UBR3: variants seen among roughly 807,000 people sequenced by gnomAD.
UBR3 encodes ubiquitin protein ligase E3 component n-recognin 3, also known as E3 ubiquitin-protein ligase UBR3.
UBR3 carries 85 observed loss-of-function variants against 243.2 expected under a neutral mutation model. The observed-to-expected ratio is 0.35, with a 90% CI of 0.29 to 0.42. The LOEUF (loss-of-function observed/expected upper bound fraction) is 0.42, where lower values mean the gene tolerates loss of function less well. Among genes scored for constraint, UBR3 ranks in the 10% least tolerant of loss-of-function variants. UBR3 has a pLI of 1.00. For synonymous variants in UBR3, 748 were observed against 799.8 expected, an observed-to-expected ratio of 0.94 and a Z score of 1.09; for missense variants, 1,686 against 2,300.8, an observed-to-expected ratio of 0.73 and a Z score of 5.47.
intron 19 of UBR3, among the ~76,000 whole-genome samples, chr2:169,935,045 A>G (rs1474188790): frequency 6.6e-6 from 1 of 152,216 alleles, no homozygotes; most frequent in Non-Finnish European, 1.5e-5. Context: ...AAAAGAAAAC[A>G]AAAACAATAC....
chr2:169,917,811 T>C (rs1051072735), intron 11 of UBR3, among the ~76,000 whole-genome samples: 2 of 152,188 alleles, frequency 1.3e-5, no homozygotes, highest in Admixed American at 1.3e-4. Context: ...CAAGCGATTC[T>C]CCTGCCTCAG....
At chr2:170,045,227 A>G (rs2091055176) in intron 32 of UBR3, among the ~76,000 whole-genome samples, 1 of 152,112 alleles carries the variant, frequency 6.6e-6, no homozygotes, top group South Asian at 2.1e-4. Context: ...CCTGCATGAA[A>G]CCATTAGATC....
intron 24 of UBR3, among the ~76,000 whole-genome samples, chr2:169,968,067 T>G (rs535147958): frequency 6.6e-6 from 1 of 152,148 alleles, no homozygotes; most frequent in African/African-American, 2.4e-5. Flanking sequence ...TTAAAAAAAT[T>G]TAATATTTAC....
chr2:169,968,093 A>G (rs140948399), intron 24 of UBR3, among the ~76,000 whole-genome samples: 1,773 of 152,248 alleles, frequency 0.012, 49 homozygotes, highest in African/African-American at 0.039. Context: ...TTTATACATA[A>G]TAACTACATA....
At chr2:169,830,652 CT>C (rs11314592) in intron 1 of UBR3, among the ~76,000 whole-genome samples, 72,011 of 148,852 alleles carry the variant, frequency 0.48, 17,874 homozygotes, top group Non-Finnish European at 0.57. Flanking sequence ...TATGTTTTAT[CT>C]TTTTTTTTTT....
intron 30 of UBR3, among the ~76,000 whole-genome samples, chr2:170,024,353 CAAAAAAAAAAAAAA>C (rs10606818): frequency 2.9e-5 from 3 of 101,956 alleles, no homozygotes; most frequent in Non-Finnish European, 5.6e-5. Flanking sequence ...GACTCCATCT[CAAAAAAAAAAAAAA>C]AAAAAAAAGA....
chr2:170,063,478 A>G (rs1374315348), intron 35 of UBR3, among the ~76,000 whole-genome samples: 2 of 152,122 alleles, frequency 1.3e-5, no homozygotes, highest in African/African-American at 4.8e-5. Context: ...TTGTTTGTGT[A>G]TACAGTAGTA....
Position 169,885,947 on chromosome 2 carries a change from A to C in UBR3, c.1039-5218A>C, listed in dbSNP as rs533641619. On this transcript the variant is annotated intron_variant, in intron 5 of 38. Coordinates refer to ENST00000272793, the MANE Select transcript of UBR3 (RefSeq NM_172070.4). Reference sequence around the variant, plus strand: ...GGCCGAGGTGGGCGATCCCTAGGTCAGGAGATCGAGATCAGCCTGGCCAAT... The same window carrying C: ...GGCCGAGGTGGGCGATCCCTAGGTCCGGAGATCGAGATCAGCCTGGCCAAT... 9.2e-4 allele frequency among the ~76,000 whole-genome samples: 140 copies of C among 152,256 alleles called. 1 individual carries two copies. The South Asian group carries it at 0.016, about 17-fold the overall frequency.
chr2:169,930,665 G>A (rs769626203), intron 18 of UBR3, among the ~76,000 whole-genome samples: 43 of 152,180 alleles, frequency 2.8e-4, no homozygotes, highest in Non-Finnish European at 4.7e-4. Flanking sequence ...GATTGCAGGT[G>A]TGAACCGCCA....
At position 170,029,342 on chromosome 2, in the gene UBR3, T is replaced by A; in HGVS notation, c.4454-4T>A. On this transcript the variant is annotated splice_region_variant and splice_polypyrimidine_tract_variant and intron_variant, in intron 30 of 38. Transcript: ENST00000272793. Reference sequence around the variant, plus strand: ...TCTAATTACCTTTTCTTCAATTTTTTCAGATCAGCTGTTTCATGTATTAGC... The same window carrying A: ...TCTAATTACCTTTTCTTCAATTTTTACAGATCAGCTGTTTCATGTATTAGC... 1 of 1,592,216 alleles carries A rather than the reference T, an allele frequency of 6.3e-7. No homozygotes were observed. Among genetic ancestry groups the A allele is most frequent in the South Asian group, 1.2e-5 (1 of 86,242 alleles).
intron 11 of UBR3, among the ~76,000 whole-genome samples, chr2:169,916,673 A>C (rs770572011): frequency 3.9e-5 from 6 of 151,962 alleles, no homozygotes; most frequent in Non-Finnish European, 5.9e-5. Flanking sequence ...TTGATTCCCT[A>C]TTCCAGGCTG....
chr2:169,981,263 G>GA lies in UBR3; in HGVS notation c.3635-5378dup, dbSNP rs535904116. Among the ~76,000 whole-genome samples the GA allele has an allele frequency of 1.6e-4, 24 of 152,164 alleles. No homozygotes were observed. In the South Asian group the frequency reaches 2.7e-3, roughly 17 times the overall value. ...AATGGCTTCTTGGTGTGGAAAGGGG[G>GA]AAAAGAGTTATTTTACAGTAGAGAA... On this transcript the variant is annotated intron_variant, in intron 24 of 38. Transcript: ENST00000272793.
At chr2:169,856,124 C>T (rs547649971) in intron 1 of UBR3, among the ~76,000 whole-genome samples, 2 of 147,190 alleles carry the variant, frequency 1.4e-5, no homozygotes, top group East Asian at 4.2e-4. Context: ...ACGGGGGCAG[C>T]CGGTCAGAGA....
At chr2:170,058,326 T>C (rs917921409) in intron 33 of UBR3, among the ~76,000 whole-genome samples, 55 of 152,138 alleles carry the variant, frequency 3.6e-4, no homozygotes, top group African/African-American at 1.3e-3. Context: ...ATCGGTATTA[T>C]ATATTATTTG....
Position 170,061,404 on chromosome 2 carries a change from TCAG to T in UBR3, c.4983_4985del (p.Gln1661del). 6.2e-7 allele frequency: 1 copy of T among 1,614,134 alleles called. No homozygotes were observed. Among genetic ancestry groups the T allele is most frequent in the Non-Finnish European group, 8.5e-7 (1 of 1,180,016 alleles). On this transcript the variant is annotated inframe_deletion, in exon 35 of 39. Transcript: ENST00000272793. ...CTTTTCTCAGAATCACCAGCCTTCT[TCAG>T]CACCACCTTTTTGGGGAAGATTTAC...
At chr2:169,951,528 A>G (rs1211392682) in intron 23 of UBR3, among the ~76,000 whole-genome samples, 1 of 152,190 alleles carries the variant, frequency 6.6e-6, no homozygotes, top group Non-Finnish European at 1.5e-5. Flanking sequence ...AACATAGTGT[A>G]ACAGATACTA....
At chr2:170,018,023 C>T (rs1019121423) in intron 30 of UBR3, among the ~76,000 whole-genome samples, 3 of 152,104 alleles carry the variant, frequency 2.0e-5, no homozygotes, top group Non-Finnish European at 4.4e-5. Flanking sequence ...CACTTGAGCC[C>T]AGCTCTTCTG....
chr2:169,956,696 A>C (rs2087314735), intron 23 of UBR3, among the ~76,000 whole-genome samples: 1 of 152,194 alleles, frequency 6.6e-6, no homozygotes, highest in African/African-American at 2.4e-5. Flanking sequence ...AAAGTGGACC[A>C]CAGAACTTGA....
Position 169,914,060 on chromosome 2 carries a change from G to T in UBR3, c.1780G>T (p.Glu594Ter). ...WGLLSHCKVR[E>*]TQEYTRNVVR... ...TATTATATATAACTTACTATTTTAG[G>T]AAACTCAAGAGTATACCCGAAATGT... The change falls in exon 11 of 39, where the codon GAA (glutamate) becomes TAA (stop). Residue 594 changes from glutamate to a stop codon, truncating the protein, a stop_gained and splice_region_variant. Transcript: ENST00000272793. LOFTEE classifies it high-confidence loss of function. 1 of 1,430,390 alleles carries T rather than the reference G, an allele frequency of 7.0e-7. No homozygotes were observed. 88.6% of individuals were successfully genotyped at this position (1,430,390 alleles called of 1,614,324 possible). A position where few individuals can be genotyped will look rare whatever the true frequency, so the allele number is the denominator to read the frequency against.
Sources: allele counts gnomAD v4.1 joint callset (sites outside exome capture counted in the v4.1 genomes callset), GRCh38; gene constraint gnomAD v4.1.1; transcripts MANE v1.5; gene names NCBI Gene and HGNC (gene_info 2026-07-23, HGNC 2026-07-21).